The following ACOT7 variants were observed in gnomAD, a reference collection of about 807,000 sequenced individuals.
ACOT7 encodes the protein cytosolic acyl coenzyme A thioester hydrolase.
ACOT7 carries 12 observed loss-of-function variants against 40.2 expected under a neutral mutation model. The observed-to-expected ratio is 0.30, with a 90% CI of 0.19 to 0.48. The LOEUF (loss-of-function observed/expected upper bound fraction) is 0.48, where lower values mean the gene tolerates loss of function less well. ACOT7 is among the 20% of genes least tolerant of loss of function. The pLI, the probability that ACOT7 is intolerant of heterozygous loss-of-function variation, is 0.99. For synonymous variants in ACOT7, 228 were observed against 219.5 expected (o/e 1.04, Z -0.34); for missense variants, 395 against 530.8 (o/e 0.74, Z 2.51).
intron 7 of ACOT7, among the ~76,000 whole-genome samples, chr1:6,284,158 G>A (rs1305775063): frequency 6.6e-6 from 1 of 152,178 alleles, no homozygotes; most frequent in Non-Finnish European, 1.5e-5. Flanking sequence ...GGGCTCAGAA[G>A]GCACATCCCA....
intron 1 of ACOT7, among the ~76,000 whole-genome samples, chr1:6,376,445 G>A (rs896600963): frequency 2.0e-5 from 3 of 151,590 alleles, no homozygotes; most frequent in African/African-American, 7.3e-5. Flanking sequence ...TAAGGTGGGA[G>A]GGGCCAGGCG....
intron 1 of ACOT7, among the ~76,000 whole-genome samples, chr1:6,387,119 C>T (rs747400981): frequency 1.3e-5 from 2 of 151,974 alleles, no homozygotes; most frequent in Admixed American, 6.6e-5. Flanking sequence ...TCCATCGACA[C>T]GAAATTCTAG....
At chr1:6,343,514 C>A (rs1641333854) in intron 2 of ACOT7, among the ~76,000 whole-genome samples, 1 of 152,254 alleles carries the variant, frequency 6.6e-6, no homozygotes, top group African/African-American at 2.4e-5. Flanking sequence ...CGGGCTTGTC[C>A]CCCAGCAAAC....
At chr1:6,296,573 G>T (rs1639818755) in intron 6 of ACOT7, among the ~76,000 whole-genome samples, 1 of 152,002 alleles carries the variant, frequency 6.6e-6, no homozygotes, top group South Asian at 2.1e-4. Context: ...ACAGGCACGT[G>T]CCACTATGCC....
At chr1:6,370,326 C>G (rs1445014060) in intron 1 of ACOT7, among the ~76,000 whole-genome samples, 1 of 152,062 alleles carries the variant, frequency 6.6e-6, no homozygotes, top group Non-Finnish European at 1.5e-5. Flanking sequence ...CATAAATTAC[C>G]CAGCTTCGGG....
intron 6 of ACOT7, among the ~76,000 whole-genome samples, chr1:6,308,514 C>T (rs1350247249): frequency 5.3e-5 from 8 of 150,850 alleles, no homozygotes; most frequent in East Asian, 1.9e-4. Flanking sequence ...GAACTACAAC[C>T]GGGCAGAGGG....
chr1:6,326,064 G>A (rs1640789791), intron 5 of ACOT7, among the ~76,000 whole-genome samples: 1 of 152,152 alleles, frequency 6.6e-6, no homozygotes, highest in Admixed American at 6.5e-5. Flanking sequence ...GCATGGTGGG[G>A]GGCAGCAAAC....
intron 5 of ACOT7, among the ~76,000 whole-genome samples, chr1:6,320,213 T>C (rs1382002458): frequency 1.3e-5 from 2 of 152,380 alleles, no homozygotes; most frequent in East Asian, 3.9e-4. Flanking sequence ...TGTAAATAGC[T>C]TGTCACATAG....
At chr1:6,374,822 G>A (rs547367197) in intron 1 of ACOT7, among the ~76,000 whole-genome samples, 3 of 152,270 alleles carry the variant, frequency 2.0e-5, no homozygotes, top group Non-Finnish European at 2.9e-5. Flanking sequence ...CCTAGGTCTC[G>A]GCCAGTTGAA....
intron 1 of ACOT7, chr1:6,385,727 G>C: frequency 6.5e-7 from 1 of 1,546,744 alleles, no homozygotes; most frequent in Non-Finnish European, 8.7e-7. Context: ...CAGAGCCCAA[G>C]CCTGTGTCTG....
chr1:6,358,479 G>C lies in ACOT7; in HGVS notation c.144-8613C>G, dbSNP rs987411286. 8.5e-5 allele frequency among the ~76,000 whole-genome samples: 13 copies of C among 152,226 alleles called. No individual in the cohort carries two copies. Among genetic ancestry groups the C allele is most frequent in the African/African-American group, 2.9e-4 (12 of 41,456 alleles). Reference sequence around the variant, plus strand: ...GGGAAACCGCAGTGAACCCAGCCCAGCTGAAGGGAGCAGAGGGAAGCCACA... The same window carrying C: ...GGGAAACCGCAGTGAACCCAGCCCACCTGAAGGGAGCAGAGGGAAGCCACA... On this transcript the variant is annotated intron_variant, in intron 1 of 8. Transcript: ENST00000361521. This position sits in a 1 kb window ranked among gnomAD's most constrained non-coding sequence, Gnocchi z 4.1.
chr1:6,320,818 C>T (rs1372098537), intron 5 of ACOT7, among the ~76,000 whole-genome samples: 1 of 152,256 alleles, frequency 6.6e-6, no homozygotes, highest in Non-Finnish European at 1.5e-5. Context: ...GAAACCCTAT[C>T]CGGCCTCTGC....
rs1251846545 is a variant in ACOT7 at position 6,359,229 on chromosome 1, G to T, written c.144-9363C>A. ...CAAGACCCCCTAGTCTTTCTCCAGG[G>T]TCTCAGCCAAAGCCAGGTCTGGCCC... is the stretch of plus-strand genomic sequence containing the variant. On this transcript the variant is annotated intron_variant, in intron 1 of 8. Transcript: ENST00000361521. The surrounding 1 kb of genome is among the most constrained non-coding windows in gnomAD (Gnocchi z 4.1). 5.4e-6 allele frequency: 1 copy of T among 183,806 alleles called. No individual in the cohort carries two copies. Among genetic ancestry groups the T allele is most frequent in the South Asian group, 1.1e-4 (1 of 9,218 alleles). 11.4% of individuals were successfully genotyped at this position (183,806 alleles called of 1,614,324 possible).
At chr1:6,361,653 CA>C (rs953774528) in intron 1 of ACOT7, among the ~76,000 whole-genome samples, 3 of 152,078 alleles carry the variant, frequency 2.0e-5, no homozygotes, top group Non-Finnish European at 4.4e-5. Flanking sequence ...GAAAGTTAAC[CA>C]GGCATGGTGG....
rs1443610757 is a variant in ACOT7, at chr1:6,282,745, C to A, written c.830-1459G>T. ...TTACAGGGAGCACTTCGTGCCAGTG[C>A]TGGGAGAGGAGGAAGGAGCTGTGTG... On this transcript the variant is annotated intron_variant, in intron 7 of 8. Coordinates refer to ENST00000361521, the MANE Select transcript of ACOT7 (RefSeq NM_007274.4). The surrounding 1 kb of genome is among the most constrained non-coding windows in gnomAD (Gnocchi z 4.5). The A allele has an allele frequency of 7.7e-7, 1 of 1,304,276 alleles. No homozygotes were observed. The highest frequency in any genetic ancestry group is 1.5e-5 in the African/African-American group (1 of 66,002). The allele number at this position is 1,304,276 out of a possible 1,614,324, so 80.8% of individuals were successfully genotyped here. A position where few individuals can be genotyped will look rare whatever the true frequency, so the allele number is the denominator to read the frequency against.
At chr1:6,384,811 C>CA (rs1642408182) in intron 1 of ACOT7, among the ~76,000 whole-genome samples, 1 of 151,624 alleles carries the variant, frequency 6.6e-6, no homozygotes, top group Admixed American at 6.6e-5. Context: ...GTCAGGAGAA[C>CA]AAAAAATCCT....
chr1:6,355,094 C>G lies in ACOT7; in HGVS notation c.144-5228G>C, dbSNP rs1361082253. 4.6e-5 allele frequency among the ~76,000 whole-genome samples: 7 copies of G among 152,210 alleles called. No homozygotes were observed. Among genetic ancestry groups the G allele is most frequent in the Admixed American group, 2.6e-4 (4 of 15,286 alleles). The stretch of plus-strand genomic sequence containing the variant: ...GCTCCGACCTGCACCTGCCAGAGCA[C>G]TGCTGCTTAGCAGGCACGCCTGGCC... On this transcript the variant is annotated intron_variant, in intron 1 of 8. Transcript: ENST00000361521. The surrounding 1 kb of genome is among the most constrained non-coding windows in gnomAD (Gnocchi z 5.0).
intron 8 of ACOT7, among the ~76,000 whole-genome samples, chr1:6,276,836 A>G (rs1639206381): frequency 6.6e-6 from 1 of 152,104 alleles, no homozygotes; most frequent in African/African-American, 2.4e-5. Flanking sequence ...AGAATCAAAG[A>G]CCATCTTTAA....
intron 6 of ACOT7, 117 bp downstream of exon 6, chr1:6,318,375 A>C (rs1640553616): frequency 8.7e-7 from 1 of 1,154,980 alleles, no homozygotes; most frequent in South Asian, 1.4e-5. Context: ...ACTTCTTGGA[A>C]GTTTGTACTT....
Sources: allele counts gnomAD v4.1 joint callset (sites outside exome capture counted in the v4.1 genomes callset), GRCh38; gene constraint gnomAD v4.1.1; non-coding constraint Gnocchi (gnomAD v3.1); transcripts MANE v1.5; gene names NCBI Gene and HGNC (gene_info 2026-07-23, HGNC 2026-07-21).